The following MORN3 variants were observed in gnomAD, a reference collection of about 807,000 sequenced individuals.
The protein encoded by MORN3 is MORN repeat containing 3, also known as MORN repeat-containing protein 3.
MORN3 carries 38 observed loss-of-function variants against 34.7 expected under a neutral mutation model. The ratio of observed to expected loss-of-function variants is 1.10; its 90% confidence interval spans 0.85 to 1.44. MORN3 has a LOEUF of 1.44. Among genes scored for constraint, MORN3 ranks in the 40% most tolerant of loss-of-function variants. The pLI, the probability that MORN3 is intolerant of heterozygous loss-of-function variation, is 0.00. For missense variants in MORN3, 311 were observed against 321.7 expected, an observed-to-expected ratio of 0.97 and a Z score of 0.25; for synonymous variants, 109 against 115.3, an observed-to-expected ratio of 0.95 and a Z score of 0.35.
Position 121,651,969 on chromosome 12 carries a change from C to A in MORN3, c.*7-325G>T, listed in dbSNP as rs79462613. On this transcript the variant is annotated intron_variant, in intron 5 of 5. Transcript: ENST00000355329. ...GTTTGTTTGTTTGTTTTTTGAGACA[C>A]AGTCTCACCCAGACTGGAGTGCAGT... Among the ~76,000 whole-genome samples the A allele has an allele frequency of 2.0e-5, 3 of 152,112 alleles. No homozygotes were observed. The South Asian group carries it at 6.2e-4, about 31-fold the overall frequency.
intron 1 of MORN3, among the ~76,000 whole-genome samples, chr12:121,666,988 G>A (rs1468406042): frequency 1.7e-5 from 2 of 118,992 alleles, no homozygotes; most frequent in East Asian, 4.6e-4. Flanking sequence ...ATGGAGATTC[G>A]TTCTTGGAAA....
At chr12:121,655,832 C>T (rs1311012168) in intron 2 of MORN3, among the ~76,000 whole-genome samples, 2 of 151,870 alleles carry the variant, frequency 1.3e-5, no homozygotes, top group Non-Finnish European at 2.9e-5. Context: ...AGATCGAGAC[C>T]ATCCTGGCTA....
At chr12:121,667,990 T>G (rs1187995594) in intron 1 of MORN3, among the ~76,000 whole-genome samples, 2 of 152,012 alleles carry the variant, frequency 1.3e-5, no homozygotes, top group African/African-American at 4.8e-5. Context: ...CCCAAAGTGC[T>G]GGGATTACAG....
intron 1 of MORN3, among the ~76,000 whole-genome samples, chr12:121,664,423 C>G (rs1356923152): frequency 6.6e-6 from 1 of 152,110 alleles, no homozygotes; most frequent in Non-Finnish European, 1.5e-5. Flanking sequence ...AAGGGCAGTC[C>G]AGGCACAGGG....
In MORN3 at chr12:121,653,133, G is replaced by T. The variant is rs201965651; in HGVS notation, c.590C>A (p.Thr197Lys). 79 of 1,614,082 alleles carry T rather than the reference G, an allele frequency of 4.9e-5. No homozygotes were observed. The highest frequency in any genetic ancestry group is 6.7e-5 in the African/African-American group (5 of 75,044). ...CTCGTCACGGCCAAAGTCGATCATCGTCCCGCATTTGGCCATATTGTCCAC... is the reference window on the plus strand; with the variant it reads ...CTCGTCACGGCCAAAGTCGATCATCTTCCCGCATTTGGCCATATTGTCCAC... The part of the protein sequence containing the change: ...FWVDNMAKCG[T>K]MIDFGRDEAP... The change falls in exon 4 of 6, where the codon ACG becomes AAG. Residue 197 changes from threonine to lysine, a missense_variant. Transcript: ENST00000355329.
chr12:121,665,392 G>A (rs1483896862), intron 1 of MORN3, among the ~76,000 whole-genome samples: 1 of 130,768 alleles, frequency 7.6e-6, no homozygotes, highest in African/African-American at 2.8e-5. Flanking sequence ...CCAGGTTCAC[G>A]CCATTCTCCT....
chr12:121,664,087 G>C (rs1042827941), intron 1 of MORN3, among the ~76,000 whole-genome samples: 1 of 152,096 alleles, frequency 6.6e-6, no homozygotes, highest in Non-Finnish European at 1.5e-5. Context: ...GTCCATTTGG[G>C]CCACCACACC....
upstream of MORN3, among the ~76,000 whole-genome samples, chr12:121,671,698 A>G (rs1174405858): frequency 2.7e-5 from 4 of 150,768 alleles, no homozygotes; most frequent in Non-Finnish European, 4.4e-5. Context: ...TGGCCAACAT[A>G]GTGAAACCGC....
chr12:121,652,660 G>T, intron 5 of MORN3, 68 bp downstream of exon 5: 1 of 1,456,618 alleles, frequency 6.9e-7, no homozygotes, highest in Non-Finnish European at 9.6e-7. Flanking sequence ...CAGGAGATCT[G>T]TGCATTGTTC....
intron 1 of MORN3, among the ~76,000 whole-genome samples, chr12:121,662,957 A>T (rs1040349182): frequency 6.6e-6 from 1 of 151,664 alleles, no homozygotes; most frequent in African/African-American, 2.4e-5. Context: ...ACCGCCCTCC[A>T]GCCTGGCAAC....
At chr12:121,671,786 A>G (rs2136892356), upstream of MORN3, among the ~76,000 whole-genome samples, 1 of 151,948 alleles carries the variant, frequency 6.6e-6, no homozygotes, top group Non-Finnish European at 1.5e-5. Flanking sequence ...AGGCTGAGGC[A>G]GGAGAATCGC....
At chr12:121,661,714 A>G (rs1195304189) in intron 1 of MORN3, among the ~76,000 whole-genome samples, 1 of 152,066 alleles carries the variant, frequency 6.6e-6, no homozygotes, top group East Asian at 1.9e-4. Context: ...GGTCTCTACT[A>G]AAAATACAAA....
chr12:121,655,173 C>A lies in MORN3; in HGVS notation c.304-740G>T, dbSNP rs1025849095. ...GACCAGCCTGGCCAACATGGTGAAA[C>A]CCCATCTCTACCAAAAATACAAAAA... On this transcript the variant is annotated intron_variant, in intron 2 of 5. Coordinates refer to ENST00000355329, the MANE Select transcript of MORN3 (RefSeq NM_173855.5). Among the ~76,000 whole-genome samples the A allele has an allele frequency of 2.1e-4, 32 of 151,704 alleles. No homozygotes were observed. In the Middle Eastern group the frequency reaches 0.01, roughly 49 times the overall value.
chr12:121,655,526 G>C (rs1421273177), intron 2 of MORN3, among the ~76,000 whole-genome samples: 1 of 151,738 alleles, frequency 6.6e-6, no homozygotes, highest in Non-Finnish European at 1.5e-5. Context: ...CCTGACCAAC[G>C]TGGCAAAACC....
intron 2 of MORN3, 73 bp from the exon 3 acceptor site, chr12:121,654,506 A>G (rs990284514): frequency 6.8e-7 from 1 of 1,471,702 alleles, no homozygotes; most frequent in Non-Finnish European, 9.1e-7. Flanking sequence ...CTTCCCAGGC[A>G]CCCCTAGAGC....
At position 121,654,280 on chromosome 12, in the gene MORN3, G is replaced by A. The variant is rs200969396; in HGVS notation, c.457C>T (p.Arg153Cys). Residue 153 changes from arginine (R) to cysteine (C), a missense_variant, in exon 3 of 6, where the codon CGC (arginine) becomes TGC (cysteine). Transcript: ENST00000355329. ...GCGGGGGTGGGGCACTCACTCAGGC[G>A]CAGCATGCCCTCCCCGTTGGGCTTG... Reference protein sequence around the residue: ...NDKPNGEGMLRLKNGNRYEGC... With the variant: ...NDKPNGEGMLCLKNGNRYEGC... 2.0e-5 allele frequency: 31 copies of A among 1,574,118 alleles called. No individual in the cohort carries two copies. In the Admixed American group the frequency reaches 3.0e-4, roughly 15 times the overall value.
Position 121,663,971 on chromosome 12 carries a change from GC to G in MORN3, c.146-4624del, listed in dbSNP as rs1893665803. Among the ~76,000 whole-genome samples the G allele has an allele frequency of 2.0e-5, 3 of 152,110 alleles. No homozygotes were observed. In the South Asian group the frequency reaches 6.2e-4, roughly 32 times the overall value. On this transcript the variant is annotated intron_variant, in intron 1 of 5. Transcript: ENST00000355329. ...CCCCAAGGTTTGGGTGGCTGACTCC[GC>G]CCCCTGGCAGGCCTACCCAATCAGT...
At chr12:121,654,247 C>T (rs555032432) in intron 3 of MORN3, 27 bp downstream of exon 3, 3 of 970,142 alleles carry the variant, frequency 3.1e-6, no homozygotes, top group African/African-American at 2.5e-5. Flanking sequence ...GTCGGGTGGG[C>T]GGGGCCGGCG....
rs1263339792 is a variant in MORN3, at chr12:121,650,819, A to C, written c.*832T>G. The C allele has an allele frequency of 6.6e-6, 1 of 151,908 alleles. No individual in the cohort carries two copies. The highest frequency in any genetic ancestry group is 2.4e-5 in the African/African-American group (1 of 41,346). The allele number at this position is 151,908 out of a possible 1,614,324, so 9.4% of individuals were successfully genotyped here. A position where few individuals can be genotyped will look rare whatever the true frequency, so the allele number is the denominator to read the frequency against. On this transcript the variant is annotated 3_prime_UTR_variant, in exon 6 of 6. Coordinates refer to ENST00000355329, the MANE Select transcript of MORN3 (RefSeq NM_173855.5). ...GCATTCCAGCCTGGGCAATAGAGGG[A>C]GACTACGTCTTAAAAAAAAAAAATC... is the stretch of plus-strand genomic sequence containing the variant.
Sources: allele counts gnomAD v4.1 joint callset (sites outside exome capture counted in the v4.1 genomes callset), GRCh38; gene constraint gnomAD v4.1.1; transcripts MANE v1.5; gene names NCBI Gene and HGNC (gene_info 2026-07-23, HGNC 2026-07-21).